ATP11C: variants seen among roughly 807,000 people sequenced by gnomAD.
ATP11C encodes the protein phospholipid-transporting ATPase IG.
A neutral mutation model predicts 97.4 loss-of-function variants in ATP11C; 36 were observed. That is an observed-to-expected ratio of 0.37 (90% CI 0.28 to 0.49). The LOEUF (loss-of-function observed/expected upper bound fraction) is 0.49. ATP11C is among the 20% of genes least tolerant of loss of function. The pLI, the probability that ATP11C is intolerant of heterozygous loss-of-function variation, is 0.98. For missense variants in ATP11C, 730 were observed against 824.6 expected (o/e 0.89, Z 1.40); for synonymous variants, 275 against 290.9 (o/e 0.95, Z 0.56).
In ATP11C at chrX:139,737,993, T is replaced by C; in HGVS notation, c.3211A>G (p.Ile1071Val). 8.3e-7 allele frequency: 1 copy of C among 1,205,088 alleles called. No homozygotes were observed. Among genetic ancestry groups the C allele is most frequent in the African/African-American group, 1.7e-5 (1 of 57,534 alleles). ...AACAGGCTGATAAATATTAGAAGAATTATAGCCAACCATGTGGATACAGAA... is the reference window on the plus strand; with the variant it reads ...AACAGGCTGATAAATATTAGAAGAACTATAGCCAACCATGTGGATACAGAA... Reference protein sequence around the residue: ...LSSVSTWLAIILLIFISLFPE... With the variant: ...LSSVSTWLAIVLLIFISLFPE... The change falls in exon 28 of 30, where the codon ATT becomes GTT. Residue 1071 changes from isoleucine (I) to valine (V), a missense_variant. Ile to Val is a conservative substitution (Grantham distance 29). Coordinates refer to ENST00000682941, the MANE Select transcript of ATP11C (RefSeq NM_001353812.2).
Position 139,932,522 on chromosome X carries a change from C to T in ATP11C, c.-480G>A, listed in dbSNP as rs1417229386. On this transcript the variant is annotated 5_prime_UTR_variant, in exon 1 of 30. Transcript: ENST00000682941. ...GCCTCCCCGCTGGACTCCGCGGCCG[C>T]CCCCCTCGGGGCACGGGGAACCCTC... 3.6e-5 allele frequency: 4 copies of T among 110,847 alleles called. No homozygotes were observed. The highest frequency in any genetic ancestry group is 5.7e-5 in the Non-Finnish European group (3 of 52,498). 9.1% of individuals were successfully genotyped at this position (110,847 alleles called of 1,213,427 possible). A position where few individuals can be genotyped will look rare whatever the true frequency, so the allele number is the denominator to read the frequency against.
chrX:139,779,703 C>A (rs1397791651), intron 18 of ATP11C, among the ~76,000 whole-genome samples: 1 of 111,080 alleles, frequency 9.0e-6, no homozygotes, highest in African/African-American at 3.3e-5. Flanking sequence ...CAAACCAGAC[C>A]CAAAGCTAAC....
chrX:139,783,810 C>A (rs986728219), intron 16 of ATP11C, among the ~76,000 whole-genome samples: 1 of 109,624 alleles, frequency 9.1e-6, no homozygotes, highest in African/African-American at 3.3e-5. Context: ...GATGTCAAGG[C>A]TGCAGTGAGC....
intron 1 of ATP11C, among the ~76,000 whole-genome samples, chrX:139,881,847 G>A (rs974658314): frequency 9.0e-6 from 1 of 111,651 alleles, no homozygotes; most frequent in Non-Finnish European, 1.9e-5. Flanking sequence ...TCAAAACATT[G>A]TTCAACAAAG....
chrX:139,877,842 T>C (rs1446219198), intron 1 of ATP11C, among the ~76,000 whole-genome samples: 1 of 111,636 alleles, frequency 9.0e-6, no homozygotes, highest in Non-Finnish European at 1.9e-5. Flanking sequence ...GCAAAAGTGA[T>C]GAAACCCCGT....
intron 1 of ATP11C, among the ~76,000 whole-genome samples, chrX:139,881,528 A>G (rs1275224849): frequency 9.0e-6 from 1 of 111,238 alleles, no homozygotes; most frequent in Admixed American, 9.6e-5. Context: ...TCTTTCCATC[A>G]GAAATATAAC....
chrX:139,814,807 T>C (rs1329359982), intron 5 of ATP11C, 71 bp downstream of exon 5: 1 of 584,896 alleles, frequency 1.7e-6, no homozygotes, highest in Non-Finnish European at 2.6e-6. Flanking sequence ...AAGTACTAAA[T>C]GACACTAAAT....
intron 23 of ATP11C, among the ~76,000 whole-genome samples, chrX:139,754,081 T>C (rs1462403683): frequency 9.0e-6 from 1 of 110,761 alleles, no homozygotes; most frequent in Non-Finnish European, 1.9e-5. Flanking sequence ...GACCATTAGC[T>C]GGACTAATAC....
chrX:139,865,517 T>C (rs1322588238), intron 1 of ATP11C, among the ~76,000 whole-genome samples: 1 of 110,652 alleles, frequency 9.0e-6, no homozygotes, highest in African/African-American at 3.3e-5. Context: ...ATTCCAGCAC[T>C]TTGGGAGGCC....
At chrX:139,813,916 A>G (rs1481011090) in intron 5 of ATP11C, among the ~76,000 whole-genome samples, 1 of 111,145 alleles carries the variant, frequency 9.0e-6, no homozygotes, top group African/African-American at 3.3e-5. Context: ...ACCAAGAGTG[A>G]CCCCTAATAT....
intron 1 of ATP11C, among the ~76,000 whole-genome samples, chrX:139,855,664 A>G (rs2084079089): frequency 8.9e-6 from 1 of 112,268 alleles, no homozygotes; most frequent in African/African-American, 3.2e-5. Context: ...TTTAGTTATT[A>G]ACATAACCAA....
chrX:139,746,612 T>G (rs1223582417), intron 24 of ATP11C, among the ~76,000 whole-genome samples: 3 of 111,998 alleles, frequency 2.7e-5, no homozygotes, highest in Admixed American at 9.5e-5. Flanking sequence ...GGTCTTACGG[T>G]GCCCTTTATA....
At chrX:139,731,569 A>T in intron 29 of ATP11C, 82 bp downstream of exon 29, 1 of 528,913 alleles carries the variant, frequency 1.9e-6, no homozygotes, top group Non-Finnish European at 2.9e-6. Flanking sequence ...GAGAAAATTT[A>T]GAGAGTGATA....
chrX:139,757,643 A>G (rs935215499), intron 23 of ATP11C, among the ~76,000 whole-genome samples, 165 bp downstream of exon 23: 6 of 112,482 alleles, frequency 5.3e-5, no homozygotes, highest in African/African-American at 1.9e-4. Context: ...GAAGGTAACA[A>G]TAAGAAAACT....
At chrX:139,830,741 T>C (rs952152945) in intron 1 of ATP11C, among the ~76,000 whole-genome samples, 2 of 111,992 alleles carry the variant, frequency 1.8e-5, no homozygotes, top group Non-Finnish European at 3.8e-5. Context: ...TGATTTAAAA[T>C]GGTTCTCCAC....
At chrX:139,921,429 A>G (rs548475793) in intron 1 of ATP11C, among the ~76,000 whole-genome samples, 2 of 110,977 alleles carry the variant, frequency 1.8e-5, no homozygotes, top group East Asian at 5.7e-4. Context: ...TTGCGTCCTA[A>G]TTGCCTTCTG....
chrX:139,738,341 T>C (rs1259427891), intron 27 of ATP11C, among the ~76,000 whole-genome samples: 3 of 112,144 alleles, frequency 2.7e-5, no homozygotes, highest in Non-Finnish European at 5.7e-5. Context: ...AACTGGCGAC[T>C]ATTTATGTGC....
At chrX:139,791,883 T>C (rs1014559342) in intron 12 of ATP11C, among the ~76,000 whole-genome samples, 13 of 111,404 alleles carry the variant, frequency 1.2e-4, no homozygotes, top group African/African-American at 3.9e-4. Context: ...ATTTGCGTGA[T>C]ATTGTAAAAT....
At chrX:139,763,476 C>A (rs763445856) in intron 20 of ATP11C, 58 bp from the exon 21 acceptor site, 15 of 918,492 alleles carry the variant, frequency 1.6e-5, no homozygotes, top group Non-Finnish European at 1.6e-5. Flanking sequence ...TAAGACTGGG[C>A]TACTTTAGGG....
Sources: gnomAD v4.1 joint callset for allele counts (sites outside exome capture counted in the v4.1 genomes callset) on GRCh38, gnomAD v4.1.1 for gene constraint, MANE v1.5 for transcripts, NCBI Gene and HGNC (gene_info 2026-07-23, HGNC 2026-07-21) for gene names.